Variants in CCL28 observed in about 807,000 individuals in gnomAD.
CCL28 encodes the protein C-C motif chemokine ligand 28.
Under a neutral mutation model 7.1 loss-of-function variants are expected in CCL28, and 4 were observed. The ratio of observed to expected loss-of-function variants is 0.56; its 90% CI spans 0.28 to 1.29. CCL28 has a LOEUF of 1.29. Ranked by LOEUF, CCL28 falls within the 50% of genes most tolerant of loss-of-function variation. The pLI is 0.11. For synonymous variants in CCL28, 55 were observed against 57.8 expected (o/e 0.95, Z 0.22); for missense variants, 151 against 163.4 (o/e 0.92, Z 0.41).
chr5:43,389,427 C>T (rs2111764524), intron 1 of CCL28, among the ~76,000 whole-genome samples: 1 of 152,308 alleles, frequency 6.6e-6, no homozygotes, highest in Middle Eastern at 3.4e-3. Flanking sequence ...CGTATCCACC[C>T]ATTCATCCAC....
the CCL28 span, among the ~76,000 whole-genome samples, chr5:43,366,830 T>C: frequency 6.6e-6 from 1 of 152,210 alleles, no homozygotes; most frequent in African/African-American, 2.4e-5. Flanking sequence ...TGCCTTTCTT[T>C]CAGAGATGCC....
chr5:43,359,767 C>T, the CCL28 span, among the ~76,000 whole-genome samples: 2 of 152,268 alleles, frequency 1.3e-5, no homozygotes, highest in African/African-American at 4.8e-5. Flanking sequence ...TATTGTAAGA[C>T]CTAAGACTGG....
At chr5:43,396,840 G>C (rs1322427701) in intron 1 of CCL28, among the ~76,000 whole-genome samples, 1 of 152,254 alleles carries the variant, frequency 6.6e-6, no homozygotes, top group Non-Finnish European at 1.5e-5. Context: ...GGTATCTGTA[G>C]TCGTGGCTGC....
chr5:43,363,351 T>C, the CCL28 span, among the ~76,000 whole-genome samples: 1 of 152,172 alleles, frequency 6.6e-6, no homozygotes, highest in Non-Finnish European at 1.5e-5. Context: ...ACACTAGACA[T>C]GGCTCTGCCC....
chr5:43,390,820 G>A lies in CCL28; in HGVS notation c.65-2344C>T, dbSNP rs1241654910. ...AATATTTGGATTGAGAAATCCTGCAGCAACTTTGTAATTACTGCCAGGCAA... is the reference window on the plus strand; with the variant it reads ...AATATTTGGATTGAGAAATCCTGCAACAACTTTGTAATTACTGCCAGGCAA... On this transcript the variant is annotated intron_variant, in intron 1 of 2. Coordinates refer to ENST00000361115, the MANE Select transcript of CCL28 (RefSeq NM_148672.3). Among the ~76,000 whole-genome samples, 4 of 152,220 alleles carry A rather than the reference G, an allele frequency of 2.6e-5. No individual in the cohort carries two copies. The South Asian group carries it at 6.2e-4, about 24-fold the overall frequency.
downstream of CCL28, among the ~76,000 whole-genome samples, chr5:43,373,587 A>G (rs547207701): frequency 1.7e-3 from 265 of 152,334 alleles, 1 homozygote; most frequent in African/African-American, 6.3e-3. Context: ...GGTGTGAGCC[A>G]CCACACCCGG....
chr5:43,406,596 G>A (rs931638198), intron 1 of CCL28, among the ~76,000 whole-genome samples: 1 of 152,330 alleles, frequency 6.6e-6, no homozygotes, highest in South Asian at 2.1e-4. Context: ...ACAAGACAGG[G>A]ATGCCCTCTC....
At chr5:43,371,520 G>T in the CCL28 span, among the ~76,000 whole-genome samples, 1 of 152,220 alleles carries the variant, frequency 6.6e-6, no homozygotes, top group Non-Finnish European at 1.5e-5. Context: ...GAGGGATTCA[G>T]ATGCTATGTT....
At chr5:43,394,574 T>TA (rs774747224) in intron 1 of CCL28, among the ~76,000 whole-genome samples, 1 of 152,206 alleles carries the variant, frequency 6.6e-6, no homozygotes, top group Non-Finnish European at 1.5e-5. Context: ...ATGAACTCTT[T>TA]AAAAATACTT....
intron 1 of CCL28, among the ~76,000 whole-genome samples, chr5:43,405,226 C>T (rs1741221023): frequency 6.6e-6 from 1 of 152,122 alleles, no homozygotes; most frequent in Admixed American, 6.6e-5. Flanking sequence ...TCACATTGCA[C>T]TTATTCCAAA....
chr5:43,409,685 T>TTG (rs1398785219), intron 1 of CCL28, among the ~76,000 whole-genome samples: 7 of 152,076 alleles, frequency 4.6e-5, no homozygotes, highest in Admixed American at 1.3e-4. Flanking sequence ...AGAAAGAAGG[T>TTG]TGTCAGTGGG....
At chr5:43,410,183 T>G (rs1741478827) in intron 1 of CCL28, among the ~76,000 whole-genome samples, 1 of 152,192 alleles carries the variant, frequency 6.6e-6, no homozygotes, top group Non-Finnish European at 1.5e-5. Flanking sequence ...TGTTGAGTGT[T>G]CTCTACCTTC....
At chr5:43,384,753 T>C (rs1740267463) in intron 2 of CCL28, among the ~76,000 whole-genome samples, 1 of 152,110 alleles carries the variant, frequency 6.6e-6, no homozygotes, top group Non-Finnish European at 1.5e-5. Flanking sequence ...CTTTATTTCT[T>C]TACCCATTCC....
At chr5:43,408,341 G>A (rs1470476574) in intron 1 of CCL28, among the ~76,000 whole-genome samples, 2 of 152,188 alleles carry the variant, frequency 1.3e-5, no homozygotes, top group African/African-American at 4.8e-5. Context: ...CCTTTGTAGG[G>A]ACATGGATGA....
At chr5:43,411,096 G>C (rs144804214) in intron 1 of CCL28, among the ~76,000 whole-genome samples, 1 of 152,270 alleles carries the variant, frequency 6.6e-6, no homozygotes, top group East Asian at 1.9e-4. Flanking sequence ...TGGAATCATT[G>C]TTGCCACATC....
chr5:43,411,150 A>G (rs768057734), intron 1 of CCL28, among the ~76,000 whole-genome samples: 2 of 152,222 alleles, frequency 1.3e-5, no homozygotes, highest in Non-Finnish European at 2.9e-5. Flanking sequence ...GTATGTGTGT[A>G]TGTATGAGTA....
the CCL28 span, among the ~76,000 whole-genome samples, chr5:43,360,669 C>T: frequency 6.6e-6 from 1 of 152,018 alleles, no homozygotes; most frequent in Non-Finnish European, 1.5e-5. Flanking sequence ...TTGCATTTTT[C>T]TAATGATTAG....
intron 2 of CCL28, among the ~76,000 whole-genome samples, chr5:43,382,932 CCT>C (rs1369835226): frequency 6.6e-6 from 1 of 152,018 alleles, no homozygotes; most frequent in African/African-American, 2.4e-5. Context: ...GATTCTTCTG[CCT>C]CAGCCTCCCG....
At chr5:43,387,111 TGTTAAAA>T (rs2111745333) in intron 2 of CCL28, among the ~76,000 whole-genome samples, 1 of 152,294 alleles carries the variant, frequency 6.6e-6, no homozygotes, top group Admixed American at 6.5e-5. Context: ...CCACAAATGG[TGTTAAAA>T]CCAGCATGCC....
Sources: allele counts gnomAD v4.1 joint callset (sites outside exome capture counted in the v4.1 genomes callset), GRCh38; gene constraint gnomAD v4.1.1; transcripts MANE v1.5; gene names NCBI Gene and HGNC (gene_info 2026-07-23, HGNC 2026-07-21).